Variants in C10orf71 observed in about 807,000 individuals in gnomAD.
C10orf71 encodes chromosome 10 open reading frame 71, also known as cardiac-enriched FHL2-interacting protein.
For missense variants in C10orf71, 1,869 were observed against 1,804.5 expected, an observed-to-expected ratio of 1.04 and a Z score of -0.65; for synonymous variants, 758 against 726.3, an observed-to-expected ratio of 1.04 and a Z score of -0.70.
chr10:49,298,139 TG>T (rs1348868956), upstream of C10orf71, among the ~76,000 whole-genome samples: 1 of 152,190 alleles, frequency 6.6e-6, no homozygotes, highest in Non-Finnish European at 1.5e-5. Context: ...GGCCCCAGCT[TG>T]GGGCTGGGAC....
At chr10:49,321,453 A>G (rs1319470156) in intron 2 of C10orf71, among the ~76,000 whole-genome samples, 1 of 152,158 alleles carries the variant, frequency 6.6e-6, no homozygotes. Flanking sequence ...TTCTTTATCC[A>G]TTCATCCATC....
At position 49,325,249 on chromosome 10, in the gene C10orf71, G is replaced by A; in HGVS notation, c.2704G>A (p.Asp902Asn). 6.4e-7 allele frequency: 1 copy of A among 1,551,840 alleles called. No individual in the cohort carries two copies. The highest frequency in any genetic ancestry group is 8.7e-7 in the Non-Finnish European group (1 of 1,147,028). ...ATTGCCAAGGCCAGAATGGGGTGAG[G>A]ATCCTGGGTTTTGTGCCCCCGAAAA... ...EELPRPEWGE[D>N]PGFCAPENQD... The change falls in exon 3 of 3, where the codon GAT becomes AAT. Residue 902 changes from aspartate (D) to asparagine (N), a missense_variant. Physicochemically the swap from Asp to Asn is conservative, Grantham distance 23. Coordinates refer to ENST00000374144, the MANE Select transcript of C10orf71 (RefSeq NM_001135196.2).
chr10:49,313,055 C>T (rs1296148637), intron 1 of C10orf71, among the ~76,000 whole-genome samples: 2 of 152,286 alleles, frequency 1.3e-5, no homozygotes, highest in East Asian at 1.9e-4. Flanking sequence ...ACCCCGCCAC[C>T]AATAAACACT....
chr10:49,326,092 C>A lies in C10orf71; in HGVS notation c.3547C>A (p.Arg1183=), dbSNP rs930161211. 5.8e-6 allele frequency: 9 copies of A among 1,551,590 alleles called. No homozygotes were observed. The highest frequency in any genetic ancestry group is 7.8e-6 in the Non-Finnish European group (9 of 1,146,994). Reference sequence around the variant, plus strand: ...ACCCAAAACAGAGAAAGCCCTGCGGCGGGCAAAGAAGCTGGCAAGTAAGAG... The same window carrying A: ...ACCCAAAACAGAGAAAGCCCTGCGGAGGGCAAAGAAGCTGGCAAGTAAGAG... ...VPPKTEKALR[R]AKKLASKRRK... The change falls in exon 3 of 3, where the codon CGG becomes AGG. Residue 1183 remains arginine (R), a synonymous_variant. Transcript: ENST00000374144.
chr10:49,313,502 T>C (rs994795214), intron 1 of C10orf71, among the ~76,000 whole-genome samples: 1 of 152,096 alleles, frequency 6.6e-6, no homozygotes, highest in African/African-American at 2.4e-5. Flanking sequence ...AAAATGTTGA[T>C]ATGAACAAGT....
At chr10:49,320,383 C>A (rs1181946519) in intron 2 of C10orf71, among the ~76,000 whole-genome samples, 21 of 152,174 alleles carry the variant, frequency 1.4e-4, no homozygotes, top group Admixed American at 1.3e-3. Context: ...CCCCCACAGG[C>A]TGGTCCCAGA....
chr10:49,324,270 C>CGGT lies in C10orf71; in HGVS notation c.1725_1726insGGT (p.Asp575_Pro576insGly), dbSNP rs1219154875. On this transcript the variant is annotated inframe_insertion, in exon 3 of 3. Transcript: ENST00000374144. ...CATCACACATCAATCCCCAGAAGGA[C>CGGT]CCTACAGCTGACCCCAGTGAGCCCT... 2 of 1,613,824 alleles carry CGGT rather than the reference C, an allele frequency of 1.2e-6. No homozygotes were observed. Among genetic ancestry groups the CGGT allele is most frequent in the African/African-American group, 2.7e-5 (2 of 74,876 alleles).
At chr10:49,298,158 G>A (rs1848667208), upstream of C10orf71, among the ~76,000 whole-genome samples, 1 of 152,218 alleles carries the variant, frequency 6.6e-6, no homozygotes, top group South Asian at 2.1e-4. Context: ...GACACAGGTT[G>A]CTGCCCTTGA....
At position 49,324,928 on chromosome 10, in the gene C10orf71, A is replaced by C; in HGVS notation, c.2383A>C (p.Ser795Arg). Residue 795 changes from serine (S) to arginine (R), a missense_variant, in exon 3 of 3, where the codon AGC becomes CGC. Ser to Arg is a moderately radical substitution (Grantham distance 110, BLOSUM62 -1). Transcript: ENST00000374144. Reference protein sequence around the residue: ...SNGHACLENRSQGEALQRERE... With the variant: ...SNGHACLENRRQGEALQRERE... ...TGGGCACGCATGCCTGGAAAACCGCAGCCAGGGGGAAGCATTGCAAAGAGA... is the reference window on the plus strand; with the variant it reads ...TGGGCACGCATGCCTGGAAAACCGCCGCCAGGGGGAAGCATTGCAAAGAGA... 2 of 1,550,858 alleles carry C rather than the reference A, an allele frequency of 1.3e-6. No homozygotes were observed. Among genetic ancestry groups the C allele is most frequent in the South Asian group, 2.4e-5 (2 of 83,988 alleles).
At chr10:49,314,396 G>A (rs936066106) in intron 1 of C10orf71, among the ~76,000 whole-genome samples, 24 of 152,210 alleles carry the variant, frequency 1.6e-4, no homozygotes, top group Non-Finnish European at 3.4e-4. Flanking sequence ...CATGCTGCCT[G>A]AAGGGAACAC....
chr10:49,313,090 T>C (rs536609422), intron 1 of C10orf71, among the ~76,000 whole-genome samples: 1 of 152,220 alleles, frequency 6.6e-6, no homozygotes, highest in East Asian at 1.9e-4. Flanking sequence ...GGACAAACAT[T>C]TAACAACAAA....
chr10:49,324,455 G>A lies in C10orf71; in HGVS notation c.1910G>A (p.Arg637Lys), dbSNP rs1218359950. Residue 637 changes from arginine (R) to lysine (K), a missense_variant, in exon 3 of 3, where the codon AGG becomes AAG. Coordinates refer to ENST00000374144, the MANE Select transcript of C10orf71 (RefSeq NM_001135196.2). ...PAGSSWCPDSREHRPRKHLSL... is the reference protein window; with the variant it reads ...PAGSSWCPDSKEHRPRKHLSL... ...GGATCCAGCTGGTGTCCAGACTCCA[G>A]GGAACACCGCCCCAGGAAACACCTC... 2.5e-6 allele frequency: 4 copies of A among 1,607,340 alleles called. No homozygotes were observed. The highest frequency in any genetic ancestry group is 2.2e-5 in the East Asian group (1 of 44,666).
chr10:49,312,600 C>T (rs1285254935), intron 1 of C10orf71, among the ~76,000 whole-genome samples: 1 of 152,210 alleles, frequency 6.6e-6, no homozygotes, highest in Non-Finnish European at 1.5e-5. Context: ...CAACTTAGAG[C>T]ACTGAGAGCA....
At chr10:49,308,276 A>G (rs1848851363) in intron 1 of C10orf71, among the ~76,000 whole-genome samples, 1 of 152,212 alleles carries the variant, frequency 6.6e-6, no homozygotes. Flanking sequence ...GTTGTAGAAG[A>G]TTCAGACTCC....
Position 49,326,385 on chromosome 10 carries a change from G to A in C10orf71, c.3840G>A (p.Pro1280=), listed in dbSNP as rs751561995. 11 of 1,550,494 alleles carry A rather than the reference G, an allele frequency of 7.1e-6. No individual in the cohort carries two copies. Among genetic ancestry groups the A allele is most frequent in the East Asian group, 2.4e-5 (1 of 40,898 alleles). Residue 1280 remains proline, a synonymous_variant, in exon 3 of 3, where the codon CCG becomes CCA. Coordinates refer to ENST00000374144, the MANE Select transcript of C10orf71 (RefSeq NM_001135196.2). ...YPATQKVLQD[P]QSGEYFVFDL... The stretch of plus-strand genomic sequence containing the variant: ...CCACCCAGAAGGTCCTCCAGGATCC[G>A]CAGTCCGGGGAGTACTTTGTCTTCG...
intron 1 of C10orf71, among the ~76,000 whole-genome samples, chr10:49,300,834 G>C (rs141857163): frequency 1.3e-5 from 2 of 152,230 alleles, no homozygotes; most frequent in Non-Finnish European, 2.9e-5. Flanking sequence ...GGGAACAACT[G>C]TGTGCGGTGG....
chr10:49,327,288 A>C lies in C10orf71; in HGVS notation c.*435A>C. 3.5e-6 allele frequency: 1 copy of C among 287,118 alleles called. No individual in the cohort carries two copies. The allele number at this position is 287,118 out of a possible 1,614,324, so 17.8% of individuals were successfully genotyped here. On this transcript the variant is annotated 3_prime_UTR_variant, in exon 3 of 3. Coordinates refer to ENST00000374144, the MANE Select transcript of C10orf71 (RefSeq NM_001135196.2). ...TAAGCTCCTTGATGAGCAAACCCCT[A>C]AGGCCCCCAGCTCAGACTCAGCAGG...
At chr10:49,318,795 A>G (rs754460004) in intron 2 of C10orf71, among the ~76,000 whole-genome samples, 4 of 152,226 alleles carry the variant, frequency 2.6e-5, no homozygotes, top group Non-Finnish European at 5.9e-5. Flanking sequence ...CTCTACAGAA[A>G]CAAAGAATGG....
At chr10:49,318,014 C>T (rs1199665132) in intron 2 of C10orf71, among the ~76,000 whole-genome samples, 1 of 152,158 alleles carries the variant, frequency 6.6e-6, no homozygotes, top group Non-Finnish European at 1.5e-5. Context: ...AAGGAACCAA[C>T]CTTGTGACAC....
Sources: gnomAD v4.1 joint callset for allele counts (sites outside exome capture counted in the v4.1 genomes callset) on GRCh38, gnomAD v4.1.1 for gene constraint, MANE v1.5 for transcripts, NCBI Gene and HGNC (gene_info 2026-07-23, HGNC 2026-07-21) for gene names.